The following FIGN variants were observed in gnomAD, a reference collection of about 807,000 sequenced individuals.
The protein encoded by FIGN is fidgetin.
FIGN carries 11 observed loss-of-function variants against 51.3 expected under a neutral mutation model. That is an observed-to-expected ratio of 0.21 (90% CI 0.13 to 0.35). The LOEUF (loss-of-function observed/expected upper bound fraction) is 0.35, where lower values mean the gene tolerates loss of function less well. Among genes scored for constraint, FIGN ranks in the 10% least tolerant of loss-of-function variants. The probability of loss-of-function intolerance (pLI) is 1.00; values close to 1 mark genes in which losing one functional copy is unlikely to be tolerated. For synonymous variants in FIGN, 407 were observed against 363.2 expected (o/e 1.12, Z -1.37); for missense variants, 857 against 943.6 (o/e 0.91, Z 1.20).
chr2:163,703,112 A>G (rs1261805992), intron 2 of FIGN, among the ~76,000 whole-genome samples: 1 of 151,054 alleles, frequency 6.6e-6, no homozygotes, highest in Non-Finnish European at 1.5e-5. Context: ...GATTGGCTTT[A>G]GCAGTTTTTT....
chr2:163,624,702 ATATATATT>A (rs1279222037), intron 2 of FIGN, among the ~76,000 whole-genome samples: 9 of 134,054 alleles, frequency 6.7e-5, no homozygotes, highest in Admixed American at 1.5e-4. Flanking sequence ...ATATATATAT[ATATATATT>A]TTTTTTTTTC....
rs1173288634 is a variant in FIGN at position 163,735,875 on chromosome 2, G to A, written c.-183C>T. 1 of 152,694 alleles carries A rather than the reference G, an allele frequency of 6.5e-6. No homozygotes were observed. Among genetic ancestry groups the A allele is most frequent in the Non-Finnish European group, 1.5e-5 (1 of 68,052 alleles). 9.5% of individuals were successfully genotyped at this position (152,694 alleles called of 1,614,324 possible). The stretch of plus-strand genomic sequence containing the variant: ...AGAGAGAACCCGATAGGTTAGCGTA[G>A]CATCGATCCGATGTGTTTGCTGATG... On this transcript the variant is annotated 5_prime_UTR_variant, in exon 1 of 3. Coordinates refer to ENST00000333129, the MANE Select transcript of FIGN (RefSeq NM_018086.4).
At chr2:163,663,360 G>A (rs1240658926) in intron 2 of FIGN, among the ~76,000 whole-genome samples, 1 of 151,692 alleles carries the variant, frequency 6.6e-6, no homozygotes, top group Non-Finnish European at 1.5e-5. Context: ...TTGAGACGGA[G>A]TTTTGCTCTT....
At chr2:163,732,424 G>A (rs1295463628) in intron 2 of FIGN, among the ~76,000 whole-genome samples, 1 of 152,076 alleles carries the variant, frequency 6.6e-6, no homozygotes, top group Non-Finnish European at 1.5e-5. Flanking sequence ...GAACAGAAGA[G>A]GATAACTAAA....
chr2:163,676,797 C>A (rs906548314), intron 2 of FIGN, among the ~76,000 whole-genome samples: 4 of 151,872 alleles, frequency 2.6e-5, no homozygotes, highest in African/African-American at 9.7e-5. Context: ...CTTTTGAGAG[C>A]CCTTTACCTG....
chr2:163,627,061 C>T (rs1279727415), intron 2 of FIGN, among the ~76,000 whole-genome samples: 4 of 152,098 alleles, frequency 2.6e-5, no homozygotes, highest in African/African-American at 9.7e-5. Flanking sequence ...GTTTAGCATA[C>T]GATCAAGAAA....
intron 2 of FIGN, among the ~76,000 whole-genome samples, chr2:163,632,088 C>T (rs1328616683): frequency 6.6e-6 from 1 of 152,072 alleles, no homozygotes; most frequent in Non-Finnish European, 1.5e-5. Flanking sequence ...GCAGAGATTG[C>T]AGTGAACTGA....
chr2:163,673,920 C>A (rs1430551680), intron 2 of FIGN, among the ~76,000 whole-genome samples: 2 of 152,162 alleles, frequency 1.3e-5, no homozygotes, highest in African/African-American at 4.8e-5. Flanking sequence ...ATATGAATAT[C>A]TAATAAAGTG....
rs746560114 is a variant in FIGN, at chr2:163,607,598, A to C, written c.*1954T>G. 3.3e-5 allele frequency: 5 copies of C among 152,522 alleles called. No individual in the cohort carries two copies. The highest frequency in any genetic ancestry group is 2.1e-4 in the South Asian group (1 of 4,820). 9.4% of individuals were successfully genotyped at this position (152,522 alleles called of 1,614,324 possible). On this transcript the variant is annotated 3_prime_UTR_variant, in exon 3 of 3. Transcript: ENST00000333129. ...TAAAAATTTTTGTAAGAAAAAAAAA[A>C]CAGAAAGGCCTTTCTTGGGGCTTCT...
At chr2:163,697,584 T>G (rs1271960671) in intron 2 of FIGN, among the ~76,000 whole-genome samples, 1 of 152,178 alleles carries the variant, frequency 6.6e-6, no homozygotes, top group Non-Finnish European at 1.5e-5. Context: ...CCCTGCTTTC[T>G]GCAGCCCAAC....
intron 2 of FIGN, among the ~76,000 whole-genome samples, chr2:163,654,752 G>A (rs1443243085): frequency 6.6e-6 from 1 of 152,110 alleles, no homozygotes; most frequent in African/African-American, 2.4e-5. Context: ...GATAATACTA[G>A]AGGTGAAGGA....
chr2:163,675,561 C>T (rs917254345), intron 2 of FIGN, among the ~76,000 whole-genome samples: 2 of 152,166 alleles, frequency 1.3e-5, no homozygotes, highest in African/African-American at 4.8e-5. Flanking sequence ...CTAATGCATG[C>T]AAAGCTTGAG....
intron 2 of FIGN, among the ~76,000 whole-genome samples, chr2:163,711,927 CT>C (rs1684594338): frequency 6.6e-6 from 1 of 152,136 alleles, no homozygotes; most frequent in Non-Finnish European, 1.5e-5. Context: ...ATATCTCCCC[CT>C]GCCCCTCCCT....
chr2:163,659,485 C>A (rs1191114770), intron 2 of FIGN, among the ~76,000 whole-genome samples: 1 of 152,086 alleles, frequency 6.6e-6, no homozygotes, highest in Non-Finnish European at 1.5e-5. Flanking sequence ...TACTCATGGG[C>A]AGATAGAGCC....
intron 2 of FIGN, among the ~76,000 whole-genome samples, chr2:163,652,686 C>T (rs1444972756): frequency 6.6e-6 from 1 of 152,112 alleles, no homozygotes; most frequent in Non-Finnish European, 1.5e-5. Context: ...CCACTCCTAT[C>T]TGTTGGGCTT....
chr2:163,641,602 A>G (rs1559005863), intron 2 of FIGN, among the ~76,000 whole-genome samples: 1 of 152,226 alleles, frequency 6.6e-6, no homozygotes, highest in Non-Finnish European at 1.5e-5. Context: ...AAAAATTCAC[A>G]TACTGGAATA....
intron 2 of FIGN, among the ~76,000 whole-genome samples, chr2:163,723,983 A>C (rs533616731): frequency 1.3e-5 from 2 of 152,184 alleles, no homozygotes; most frequent in African/African-American, 4.8e-5. Context: ...AATATTTTGC[A>C]TCTTTTAGAC....
Position 163,607,456 on chromosome 2 carries a change from AAAAT to A in FIGN, c.*2092_*2095del, listed in dbSNP as rs927417162. 1 of 152,466 alleles carries A rather than the reference AAAAT, an allele frequency of 6.6e-6. No individual in the cohort carries two copies. The highest frequency in any genetic ancestry group is 1.5e-5 in the Non-Finnish European group (1 of 68,050). 9.4% of individuals were successfully genotyped at this position (152,466 alleles called of 1,614,324 possible). A position where few individuals can be genotyped will look rare whatever the true frequency, so the allele number is the denominator to read the frequency against. ...AATTGCTCAGTTTTTAGCAACATAA[AAAAT>A]AAAAAAAGGGGAGTAAAGATCAAGC... On this transcript the variant is annotated 3_prime_UTR_variant, in exon 3 of 3. Transcript: ENST00000333129.
At chr2:163,648,743 A>G (rs1683422525) in intron 2 of FIGN, among the ~76,000 whole-genome samples, 1 of 152,200 alleles carries the variant, frequency 6.6e-6, no homozygotes, top group Non-Finnish European at 1.5e-5. Context: ...TAGAAAACCA[A>G]TGAAAATCAA....
Sources: gnomAD v4.1 joint callset for allele counts (sites outside exome capture counted in the v4.1 genomes callset) on GRCh38, gnomAD v4.1.1 for gene constraint, MANE v1.5 for transcripts, NCBI Gene and HGNC (gene_info 2026-07-23, HGNC 2026-07-21) for gene names.